CYP4B1: variants seen among roughly 807,000 people sequenced by gnomAD.
CYP4B1 encodes the protein cytochrome P450 4B1.
Under a neutral mutation model 54.0 loss-of-function variants are expected in CYP4B1, and 45 were observed. That is an observed-to-expected ratio of 0.83 (90% confidence interval 0.66 to 1.07). The LOEUF is 1.07. Among genes scored for constraint, CYP4B1 ranks in the 50% least tolerant of loss-of-function variants. CYP4B1 has a pLI of 0.00. For synonymous variants in CYP4B1, 248 were observed against 247.5 expected (o/e 1.00, Z -0.02); for missense variants, 656 against 655.4 (o/e 1.00, Z -0.01).
chr1:46,814,005 G>T lies in CYP4B1; in HGVS notation c.717G>T (p.Trp239Cys). The T allele has an allele frequency of 6.2e-7, 1 of 1,614,136 alleles. No individual in the cohort carries two copies. The highest frequency in any genetic ancestry group is 8.5e-7 in the Non-Finnish European group (1 of 1,180,020). ...SFQYHNDFIY[W>C]LTPHGRRFLR... ...AGTACCATAATGACTTCATCTACTG[G>T]CTCACCCCACATGGCCGCCGCTTCC... Residue 239 changes from tryptophan to cysteine, a missense_variant, in exon 6 of 12, where the codon TGG becomes TGT. By Grantham distance (215) the Trp-to-Cys change is radical. Coordinates refer to ENST00000371923, the MANE Select transcript of CYP4B1 (RefSeq NM_001099772.2).
chr1:46,813,771 T>A, intron 5 of CYP4B1, 138 bp from the exon 6 acceptor site: 1 of 1,429,878 alleles, frequency 7.0e-7, no homozygotes, highest in East Asian at 2.3e-5. Context: ...AACACCTGGC[T>A]TTAGCAAGGA....
At chr1:46,811,108 TC>T in intron 2 of CYP4B1, 31 bp from the exon 3 acceptor site, 1 of 1,613,704 alleles carries the variant, frequency 6.2e-7, no homozygotes, top group East Asian at 2.2e-5. Flanking sequence ...GAACCCCGGG[TC>T]CCTGCTTGAC....
chr1:46,808,061 G>T (rs903566679), intron 1 of CYP4B1, among the ~76,000 whole-genome samples: 1 of 152,076 alleles, frequency 6.6e-6, no homozygotes, highest in Non-Finnish European at 1.5e-5. Context: ...TTCATGAGGA[G>T]GAGCTTTAGG....
At chr1:46,800,630 G>T (rs1044399621) in intron 1 of CYP4B1, among the ~76,000 whole-genome samples, 1 of 152,100 alleles carries the variant, frequency 6.6e-6, no homozygotes, top group African/African-American at 2.4e-5. Flanking sequence ...GCGCCTGGCT[G>T]ACATGCCAGA....
chr1:46,810,790 C>T lies in CYP4B1; in HGVS notation c.181-18C>T, dbSNP rs1198466507. The T allele has an allele frequency of 6.2e-7, 1 of 1,614,018 alleles. No homozygotes were observed. ...CAATGTGTTCCTGAGTGACCTTGGCCTTCTGTCATCATTTCAGATCCAGGA... is the reference window on the plus strand; with the variant it reads ...CAATGTGTTCCTGAGTGACCTTGGCTTTCTGTCATCATTTCAGATCCAGGA... On this transcript the variant is annotated intron_variant, in intron 1 of 11. Transcript: ENST00000371923.
In CYP4B1 at chr1:46,813,428, C is replaced by G. The variant is rs45445306; in HGVS notation, c.496-54C>G. The G allele has an allele frequency of 4.3e-3, 6,972 of 1,612,042 alleles. 273 individuals carry two copies. The African/African-American group carries it at 0.083, about 19-fold the overall frequency. On this transcript the variant is annotated intron_variant, in intron 4 of 11. Coordinates refer to ENST00000371923, the MANE Select transcript of CYP4B1 (RefSeq NM_001099772.2). ...TGGAGGGCAGCTTGGGGCATCCAGC[C>G]CAACTAACCCCTGCATCGCCTCCTA...
intron 1 of CYP4B1, among the ~76,000 whole-genome samples, chr1:46,804,850 T>C (rs1569863013): frequency 1.3e-5 from 2 of 152,350 alleles, no homozygotes; most frequent in African/African-American, 4.8e-5. Flanking sequence ...TGCTGATCTT[T>C]GCTGAAATGT....
rs1557505087 is a variant in CYP4B1 at position 46,818,118 on chromosome 1, C to T, written c.1273-13C>T. ...GAACCTGGCGAGTGTTTAAGCAAGG[C>T]CTGTCCCTTCAGGTCTTTGACTCTC... is the stretch of plus-strand genomic sequence containing the variant. On this transcript the variant is annotated splice_polypyrimidine_tract_variant and intron_variant, in intron 10 of 11. Coordinates refer to ENST00000371923, the MANE Select transcript of CYP4B1 (RefSeq NM_001099772.2). The T allele has an allele frequency of 2.5e-6, 4 of 1,614,084 alleles. No individual in the cohort carries two copies. Among genetic ancestry groups the T allele is most frequent in the Admixed American group, 1.7e-5 (1 of 60,028 alleles).
intron 8 of CYP4B1, 142 bp from the exon 9 acceptor site, chr1:46,816,906 G>A: frequency 1.1e-6 from 1 of 931,448 alleles, no homozygotes. Flanking sequence ...GGCCTAGCCT[G>A]GCCAGGGGCA....
At chr1:46,816,304 G>A (rs1307376658) in intron 8 of CYP4B1, among the ~76,000 whole-genome samples, 1 of 152,142 alleles carries the variant, frequency 6.6e-6, no homozygotes, top group African/African-American at 2.4e-5. Context: ...TTTCTAAGGA[G>A]GGTTAAAATT....
chr1:46,811,085 G>T, intron 2 of CYP4B1, 55 bp from the exon 3 acceptor site: 1 of 1,609,290 alleles, frequency 6.2e-7, no homozygotes, highest in African/African-American at 1.3e-5. Context: ...ACTCATAAAT[G>T]AGCCTCCTCT....
At chr1:46,818,256 G>A (rs1171282599) in intron 11 of CYP4B1, 43 bp downstream of exon 11, 3 of 1,550,706 alleles carry the variant, frequency 1.9e-6, no homozygotes, top group South Asian at 1.1e-5. Flanking sequence ...GACTGGGGAG[G>A]AGAGGGTGGA....
intron 3 of CYP4B1, among the ~76,000 whole-genome samples, chr1:46,811,774 T>C (rs954718004): frequency 1.3e-5 from 2 of 152,214 alleles, no homozygotes; most frequent in Admixed American, 1.3e-4. Flanking sequence ...GCCAAGGCCA[T>C]ATGCTTCTCC....
chr1:46,814,354 C>A, intron 7 of CYP4B1, 39 bp downstream of exon 7: 2 of 1,492,284 alleles, frequency 1.3e-6, no homozygotes, highest in South Asian at 1.2e-5. Context: ...GAGGACTGGT[C>A]CCAGAGAGGT....
chr1:46,818,024 C>A lies in CYP4B1; in HGVS notation c.1267C>A (p.Pro423Thr), dbSNP rs1679406168. 3 of 1,614,140 alleles carry A rather than the reference C, an allele frequency of 1.9e-6. No homozygotes were observed. The highest frequency in any genetic ancestry group is 2.5e-6 in the Non-Finnish European group (3 of 1,179,990). Residue 423 changes from proline (P) to threonine (T), a missense_variant, in exon 10 of 12, where the codon CCT (proline) becomes ACT (threonine). Transcript: ENST00000371923. ...LHRNSAVWPDPEVFDSLRFST... is the reference protein window; with the variant it reads ...LHRNSAVWPDTEVFDSLRFST... ...TAGGAACAGTGCTGTATGGCCCGAC[C>A]CTGAGGTACCCTTTCCCTGGGCTGG...
chr1:46,818,676 C>G lies in CYP4B1; in HGVS notation c.1401C>G (p.Val467=), dbSNP rs774556066. ...TTGCCATGAGTGAGATGAAGGTGGT[C>G]ACAGCCATGTGCTTGCTCCGCTTTG... The part of the protein sequence containing the change: ...QQFAMSEMKV[V]TAMCLLRFEF... The change falls in exon 12 of 12, where the codon GTC becomes GTG. Residue 467 remains valine (V), a synonymous_variant. Transcript: ENST00000371923. 17 of 1,614,080 alleles carry G rather than the reference C, an allele frequency of 1.1e-5. No individual in the cohort carries two copies. In the Admixed American group the frequency reaches 2.8e-4, roughly 27 times the overall value.
chr1:46,799,905 T>C (rs1246327195), intron 1 of CYP4B1, among the ~76,000 whole-genome samples: 1 of 152,202 alleles, frequency 6.6e-6, no homozygotes, highest in African/African-American at 2.4e-5. Context: ...TTTCCTACTG[T>C]ATTGGGGATC....
Position 46,815,175 on chromosome 1 carries a change from T to C in CYP4B1, c.984T>C (p.Phe328=). ...HDTTTSGISW[F]LYCMALYPEH... is the part of the protein sequence containing the mutation. ...CCACCACCAGTGGTATCTCCTGGTT[T>C]CTCTACTGCATGGCCCTGTACCCTG... Residue 328 remains phenylalanine (F), a synonymous_variant, in exon 8 of 12, where the codon TTT becomes TTC. Coordinates refer to ENST00000371923, the MANE Select transcript of CYP4B1 (RefSeq NM_001099772.2). 6.2e-7 allele frequency: 1 copy of C among 1,613,940 alleles called. No homozygotes were observed. Among genetic ancestry groups the C allele is most frequent in the Non-Finnish European group, 8.5e-7 (1 of 1,179,880 alleles).
chr1:46,807,256 G>A (rs1678897508), intron 1 of CYP4B1, among the ~76,000 whole-genome samples: 1 of 152,154 alleles, frequency 6.6e-6, no homozygotes, highest in Non-Finnish European at 1.5e-5. Flanking sequence ...TGAGACCAGG[G>A]TCTACTGTCC....
Sources: gnomAD v4.1 joint callset for allele counts (sites outside exome capture counted in the v4.1 genomes callset) on GRCh38, gnomAD v4.1.1 for gene constraint, MANE v1.5 for transcripts, NCBI Gene and HGNC (gene_info 2026-07-23, HGNC 2026-07-21) for gene names.